Variants in SNX29 observed in about 807,000 individuals in gnomAD.
The protein encoded by SNX29 is sorting nexin 29, also known as sorting nexin-29.
In SNX29, 78 loss-of-function variants were observed where a neutral mutation model predicts 102.1. That is an observed-to-expected ratio of 0.76 (90% CI 0.64 to 0.92). The LOEUF is 0.92. SNX29 is among the 40% of genes least tolerant of loss of function. The probability of loss-of-function intolerance (pLI) is 0.00; values close to 1 mark genes in which losing one functional copy is unlikely to be tolerated. For missense variants in SNX29, 1,280 were observed against 1,061.7 expected (o/e 1.21, Z -2.86); for synonymous variants, 580 against 414.5 (o/e 1.40, Z -4.85).
chr16:12,418,796 T>A (rs2084754530), intron 18 of SNX29, among the ~76,000 whole-genome samples: 1 of 152,218 alleles, frequency 6.6e-6, no homozygotes, highest in Non-Finnish European at 1.5e-5. Flanking sequence ...ATTACAGATG[T>A]GAGCCACAGC....
chr16:12,356,207 G>T lies in SNX29; in HGVS notation c.1827G>T (p.Leu609=), dbSNP rs2082130825. Reference sequence around the variant, plus strand: ...AGCTGATTGAGTTCAACGAGCGCCTGCACAGGGCCCTGGTAGCCAAGGAAG... The same window carrying T: ...AGCTGATTGAGTTCAACGAGCGCCTTCACAGGGCCCTGGTAGCCAAGGAAG... ...HGELIEFNER[L]HRALVAKEAL... is the part of the protein sequence containing the mutation. The change falls in exon 16 of 21, where the codon CTG becomes CTT. Residue 609 remains leucine (L), a synonymous_variant. Coordinates refer to ENST00000566228, the MANE Select transcript of SNX29 (RefSeq NM_032167.5). The T allele has an allele frequency of 6.2e-7, 1 of 1,613,322 alleles. No homozygotes were observed.
chr16:12,019,748 T>G (rs1382626955), intron 3 of SNX29, among the ~76,000 whole-genome samples: 1 of 151,846 alleles, frequency 6.6e-6, no homozygotes, highest in African/African-American at 2.4e-5. Flanking sequence ...GCGATTCTCT[T>G]GGCTCAGCCT....
intron 16 of SNX29, among the ~76,000 whole-genome samples, chr16:12,392,541 G>A (rs1186567207): frequency 1.3e-5 from 2 of 152,040 alleles, no homozygotes; most frequent in Non-Finnish European, 2.9e-5. Context: ...TGCCTACCAC[G>A]TTGGACTCTG....
chr16:12,220,594 A>G (rs2941081), intron 14 of SNX29, among the ~76,000 whole-genome samples: 74,746 of 152,094 alleles, frequency 0.49, 19,432 homozygotes, highest in Non-Finnish European at 0.59. Context: ...TCTCCCCTGC[A>G]TGTTGCGTTG....
chr16:12,436,240 T>A (rs2085533767), intron 18 of SNX29, among the ~76,000 whole-genome samples: 1 of 152,138 alleles, frequency 6.6e-6, no homozygotes, highest in African/African-American at 2.4e-5. Context: ...GCCTCCTCCC[T>A]GGGCCCAGGC....
chr16:12,565,442 G>GC (rs1315312039), intron 20 of SNX29, among the ~76,000 whole-genome samples: 1 of 151,836 alleles, frequency 6.6e-6, no homozygotes, highest in East Asian at 1.9e-4. Context: ...GGCCTCACCT[G>GC]CCCCCTCCTC....
In SNX29 at chr16:12,568,608, G is replaced by C. The variant is rs1357466368; in HGVS notation, c.2421G>C (p.Glu807Asp). ...AGCCCCGGGAGACCCGCAACGTGGA[G>C]CCCCAGAGCGGTGACCTCTGACCTC... ...RGQPRETRNV[E>D]PQSGDL Residue 807 changes from glutamate (E) to aspartate (D), a missense_variant, in exon 21 of 21, where the codon GAG becomes GAC. Coordinates refer to ENST00000566228, the MANE Select transcript of SNX29 (RefSeq NM_032167.5). The C allele has an allele frequency of 1.9e-6, 3 of 1,604,482 alleles. No homozygotes were observed. Among genetic ancestry groups the C allele is most frequent in the Non-Finnish European group, 2.5e-6 (3 of 1,179,828 alleles).
chr16:12,159,428 A>G (rs2055689527), intron 13 of SNX29, among the ~76,000 whole-genome samples: 1 of 152,226 alleles, frequency 6.6e-6, no homozygotes, highest in South Asian at 2.1e-4. Context: ...CTAGGCTTCA[A>G]CTTCGGATAT....
intron 11 of SNX29, among the ~76,000 whole-genome samples, chr16:12,116,801 C>T (rs1024091987): frequency 1.1e-4 from 16 of 151,958 alleles, no homozygotes; most frequent in African/African-American, 3.9e-4. Context: ...TGCTTCAACG[C>T]GGACGAACCG....
intron 13 of SNX29, among the ~76,000 whole-genome samples, chr16:12,185,926 A>T (rs1289526312): frequency 6.6e-6 from 1 of 152,216 alleles, no homozygotes; most frequent in East Asian, 1.9e-4. Context: ...TGTCACTCAA[A>T]GTGTTTCCTA....
Position 12,070,639 on chromosome 16 carries a change from T to C in SNX29, c.1319+1507T>C, listed in dbSNP as rs370337853. ...TGTGAATAGTGCCACAATAAACATA[T>C]GTGTGCATGTGTCTTTATAGCAGCA... On this transcript the variant is annotated intron_variant, in intron 10 of 20. Coordinates refer to ENST00000566228, the MANE Select transcript of SNX29 (RefSeq NM_032167.5). 4.9e-3 allele frequency among the ~76,000 whole-genome samples: 750 copies of C among 151,828 alleles called. 11 individuals are homozygous for C. The highest frequency in any genetic ancestry group is 0.017 in the African/African-American group (696 of 41,330).
chr16:12,177,298 T>TG (rs1160013084), intron 13 of SNX29, among the ~76,000 whole-genome samples: 1 of 152,194 alleles, frequency 6.6e-6, no homozygotes, highest in Non-Finnish European at 1.5e-5. Context: ...TGTGTCTAGC[T>TG]GCTTTCCTAC....
chr16:12,339,796 T>C (rs1189831868), intron 15 of SNX29, among the ~76,000 whole-genome samples: 1 of 152,224 alleles, frequency 6.6e-6, no homozygotes, highest in Non-Finnish European at 1.5e-5. Flanking sequence ...TGACTCTTAT[T>C]GGCCTGACTT....
At position 12,571,567 on chromosome 16, in the gene SNX29, T is replaced by TC. The variant is rs2079188477; in HGVS notation, c.*2939dup. The TC allele has an allele frequency of 9.7e-7, 1 of 1,026,318 alleles. No individual in the cohort carries two copies. The highest frequency in any genetic ancestry group is 1.7e-5 in the African/African-American group (1 of 60,082). 63.6% of individuals were successfully genotyped at this position (1,026,318 alleles called of 1,614,324 possible). A position where few individuals can be genotyped will look rare whatever the true frequency, so the allele number is the denominator to read the frequency against. On this transcript the variant is annotated 3_prime_UTR_variant, in exon 21 of 21. Coordinates refer to ENST00000566228, the MANE Select transcript of SNX29 (RefSeq NM_032167.5). ...GGAGGAAGAATCCACACCGAATCCT[T>TC]CTGTCTTCATGGCCTGCTGTGCTGA...
chr16:12,371,262 C>G (rs373734516), intron 16 of SNX29, among the ~76,000 whole-genome samples: 2 of 152,026 alleles, frequency 1.3e-5, no homozygotes, highest in East Asian at 1.9e-4. Context: ...TTCTCTCTTC[C>G]CTCCTCCCTC....
chr16:12,071,441 G>A (rs1240433587), intron 10 of SNX29, among the ~76,000 whole-genome samples: 3 of 152,112 alleles, frequency 2.0e-5, no homozygotes, highest in East Asian at 1.9e-4. Context: ...TTTCCCCAAT[G>A]CTTGTTTTTC....
At chr16:12,561,620 C>T (rs572982674) in intron 20 of SNX29, among the ~76,000 whole-genome samples, 1 of 152,054 alleles carries the variant, frequency 6.6e-6, no homozygotes, top group Non-Finnish European at 1.5e-5. Context: ...GCAGTGTACC[C>T]CAAGAGGCTT....
chr16:12,019,583 T>A (rs1461637904), intron 3 of SNX29, among the ~76,000 whole-genome samples: 4 of 139,944 alleles, frequency 2.9e-5, no homozygotes, highest in Non-Finnish European at 6.2e-5. Context: ...TATATGTAAA[T>A]ATATATATAT....
chr16:12,469,647 G>A (rs117216603), intron 18 of SNX29, among the ~76,000 whole-genome samples: 3 of 152,274 alleles, frequency 2.0e-5, no homozygotes, highest in African/African-American at 7.2e-5. Context: ...TGCTAGTTCC[G>A]CTGCTCACTC....
Sources: gnomAD v4.1 joint callset for allele counts (sites outside exome capture counted in the v4.1 genomes callset) on GRCh38, gnomAD v4.1.1 for gene constraint, MANE v1.5 for transcripts, NCBI Gene and HGNC (gene_info 2026-07-23, HGNC 2026-07-21) for gene names.